Variants in ME2 observed in about 807,000 individuals in gnomAD.
ME2 encodes the protein NAD-dependent malic enzyme, mitochondrial.
A neutral mutation model predicts 73.7 loss-of-function variants in ME2; 60 were observed. The observed-to-expected ratio is 0.81, with a 90% CI of 0.66 to 1.01. The LOEUF is 1.01. ME2 is among the 50% of genes least tolerant of loss of function. The pLI, the probability that ME2 is intolerant of heterozygous loss-of-function variation, is 0.00. For synonymous variants in ME2, 199 were observed against 236.9 expected (o/e 0.84, Z 1.47); for missense variants, 594 against 705.5 (o/e 0.84, Z 1.79).
intron 1 of ME2, among the ~76,000 whole-genome samples, chr18:50,890,785 C>T (rs2144188386): frequency 6.6e-6 from 1 of 152,172 alleles, no homozygotes; most frequent in Non-Finnish European, 1.5e-5. Flanking sequence ...TACTAATTTC[C>T]AGTATAAAAC....
chr18:50,952,249 T>G lies in ME2; in HGVS notation c.*5065T>G, dbSNP rs370462532. On this transcript the variant is annotated 3_prime_UTR_variant, in exon 16 of 16. Coordinates refer to ENST00000321341, the MANE Select transcript of ME2 (RefSeq NM_002396.5). ...TTCTCATCTGAAATCAGGGTAAGTTTTTTTAATGTAAGCAGAGAAAAAAAT... is the reference window on the plus strand; with the variant it reads ...TTCTCATCTGAAATCAGGGTAAGTTGTTTTAATGTAAGCAGAGAAAAAAAT... 1 of 152,222 alleles carries G rather than the reference T, an allele frequency of 6.6e-6. No homozygotes were observed. Among genetic ancestry groups the G allele is most frequent in the Non-Finnish European group, 1.5e-5 (1 of 68,036 alleles). The allele number at this position is 152,222 out of a possible 1,614,324, so 9.4% of individuals were successfully genotyped here. A position where few individuals can be genotyped will look rare whatever the true frequency, so the allele number is the denominator to read the frequency against.
intron 1 of ME2, among the ~76,000 whole-genome samples, chr18:50,881,251 G>A (rs1916313873): frequency 6.6e-6 from 1 of 152,006 alleles, no homozygotes; most frequent in Admixed American, 6.5e-5. Flanking sequence ...TTTTCAGGCT[G>A]GTCTCGAACT....
In ME2 at chr18:50,912,847, TATAGA is replaced by T; in HGVS notation, c.293_297del (p.Arg98ThrfsTer4). On this transcript the variant is annotated frameshift_variant, in exon 4 of 16. Transcript: ENST00000321341. LOFTEE classifies it high-confidence loss of function. Reference sequence around the variant, plus strand: ...ACAAGAAAGAAATGAGAAATTGTTTTATAGAATACTGCAAGATGACATTGAGAGTT... The same window carrying T: ...ACAAGAAAGAAATGAGAAATTGTTTTATACTGCAAGATGACATTGAGAGTT... The T allele has an allele frequency of 1.2e-6, 2 of 1,605,956 alleles. No individual in the cohort carries two copies. Among genetic ancestry groups the T allele is most frequent in the Non-Finnish European group, 1.7e-6 (2 of 1,174,970 alleles).
chr18:50,920,584 A>T lies in ME2; in HGVS notation c.844+19A>T, dbSNP rs1917402475. ...ATTCAAGGTAAAGCAAAAAAACTTC[A>T]GGGTTTTGATTCCTACTTTTTAAAC... On this transcript the variant is annotated intron_variant, in intron 8 of 15. Coordinates refer to ENST00000321341, the MANE Select transcript of ME2 (RefSeq NM_002396.5). 2 of 1,567,220 alleles carry T rather than the reference A, an allele frequency of 1.3e-6. No homozygotes were observed. The highest frequency in any genetic ancestry group is 4.5e-5 in the East Asian group (2 of 44,272).
In ME2 at chr18:50,951,489, C is replaced by T. The variant is rs1292266107; in HGVS notation, c.*4305C>T. On this transcript the variant is annotated 3_prime_UTR_variant, in exon 16 of 16. Coordinates refer to ENST00000321341, the MANE Select transcript of ME2 (RefSeq NM_002396.5). The stretch of plus-strand genomic sequence containing the variant: ...TTTTTGGTTTGTTTGTTTCTGCTAG[C>T]TTTATGACAGAGGTTATAATATTCT... 2 of 149,998 alleles carry T rather than the reference C, an allele frequency of 1.3e-5. No individual in the cohort carries two copies. Among genetic ancestry groups the T allele is most frequent in the African/African-American group, 4.9e-5 (2 of 40,882 alleles). 9.3% of individuals were successfully genotyped at this position (149,998 alleles called of 1,614,324 possible). A position where few individuals can be genotyped will look rare whatever the true frequency, so the allele number is the denominator to read the frequency against.
chr18:50,895,763 T>C (rs1368178481), intron 1 of ME2, 46 bp from the exon 2 acceptor site: 1 of 1,227,610 alleles, frequency 8.1e-7, no homozygotes, highest in East Asian at 2.3e-5. Flanking sequence ...CATGAAGGCC[T>C]ATAATATGAT....
chr18:50,892,895 G>C (rs1916638588), intron 1 of ME2, among the ~76,000 whole-genome samples: 1 of 152,062 alleles, frequency 6.6e-6, no homozygotes, highest in African/African-American at 2.4e-5. Context: ...GGAGGCCGAG[G>C]TGGGCGGATC....
intron 1 of ME2, among the ~76,000 whole-genome samples, chr18:50,888,344 CAAAA>C (rs33946334): frequency 1.8e-4 from 23 of 128,970 alleles, no homozygotes; most frequent in Non-Finnish European, 2.2e-4. Context: ...GACCCTGTCT[CAAAA>C]AAAAAAAAAA....
chr18:50,947,146 C>T lies in ME2; in HGVS notation c.1717C>T (p.Pro573Ser). 3.1e-6 allele frequency: 5 copies of T among 1,613,560 alleles called. No homozygotes were observed. Among genetic ancestry groups the T allele is most frequent in the Non-Finnish European group, 4.2e-6 (5 of 1,179,954 alleles). ...CCTGCTGCCAGATGTGTATGAATGG[C>T]CAGAATCTGCATCAAGCCCTCCTGT... ...DSLLPDVYEW[P>S]ESASSPPVIT... Residue 573 changes from proline (P) to serine (S), a missense_variant, in exon 16 of 16, where the codon CCA (proline) becomes TCA (serine). Physicochemically the swap from Pro to Ser is moderately conservative, Grantham distance 74. Transcript: ENST00000321341.
intron 15 of ME2, among the ~76,000 whole-genome samples, chr18:50,941,427 C>T (rs1388096536): frequency 1.7e-5 from 2 of 117,480 alleles, no homozygotes; most frequent in Non-Finnish European, 3.2e-5. Context: ...AGTGCAGTGG[C>T]GGAATCTCAG....
In ME2 at chr18:50,908,785, C is replaced by T. The variant is rs1028858354; in HGVS notation, c.242+589C>T. On this transcript the variant is annotated intron_variant, in intron 3 of 15. Transcript: ENST00000321341. ...CCTCCTGAGTAGTTGGGATTACAGG[C>T]GCCCACCACCATGCCTGGCTAATTT... Among the ~76,000 whole-genome samples the T allele has an allele frequency of 8.6e-5, 13 of 151,644 alleles. No individual in the cohort carries two copies. The East Asian group carries it at 1.6e-3, about 18-fold the overall frequency.
At chr18:50,939,541 A>C (rs992651885) in intron 13 of ME2, 29 bp from the exon 14 acceptor site, 1 of 1,486,354 alleles carries the variant, frequency 6.7e-7, no homozygotes, top group African/African-American at 1.4e-5. Flanking sequence ...AAAAGTGACC[A>C]TACTAGTAAA....
intron 2 of ME2, among the ~76,000 whole-genome samples, chr18:50,898,389 A>G (rs1337116900): frequency 6.6e-6 from 1 of 152,194 alleles, no homozygotes; most frequent in East Asian, 1.9e-4. Context: ...ATCTAGTTCC[A>G]GAACTTTTTT....
rs34143282 is a variant in ME2, at chr18:50,918,702, C to CTT, written c.734+503_734+504dup. ...AACTTGGTCTTTCTCCCACCTTTCTCTTTTTTTTTTTTTTTGTCATCTTCA... is the reference window on the plus strand; with the variant it reads ...AACTTGGTCTTTCTCCCACCTTTCTCTTTTTTTTTTTTTTTTTGTCATCTTCA... On this transcript the variant is annotated intron_variant, in intron 7 of 15. Transcript: ENST00000321341. Among the ~76,000 whole-genome samples, 948 of 141,734 alleles carry CTT rather than the reference C, an allele frequency of 6.7e-3. 14 individuals are homozygous for CTT. The highest frequency in any genetic ancestry group is 0.025 in the South Asian group (113 of 4,496). 93.0% of individuals were successfully genotyped at this position (141,734 alleles called of 152,430 possible).
intron 12 of ME2, among the ~76,000 whole-genome samples, chr18:50,929,865 A>G (rs1568172597): frequency 6.6e-6 from 1 of 152,190 alleles, no homozygotes; most frequent in Non-Finnish European, 1.5e-5. Context: ...TCCAAAATAT[A>G]AAAAATTTAA....
chr18:50,932,616 A>T (rs536292660), intron 13 of ME2: 1 of 273,236 alleles, frequency 3.7e-6, no homozygotes, highest in South Asian at 7.0e-5. Context: ...GAGGAACAGA[A>T]TGGCACAAAA....
At chr18:50,893,722 A>G (rs960862164) in intron 1 of ME2, among the ~76,000 whole-genome samples, 3 of 152,206 alleles carry the variant, frequency 2.0e-5, no homozygotes, top group Non-Finnish European at 2.9e-5. Context: ...TTTTTTAACA[A>G]TACATTGAAG....
chr18:50,886,576 A>T (rs1916478153), intron 1 of ME2, among the ~76,000 whole-genome samples: 1 of 152,052 alleles, frequency 6.6e-6, no homozygotes, highest in African/African-American at 2.4e-5. Flanking sequence ...TCATGTTCAT[A>T]TTTCTTTTAA....
chr18:50,914,316 G>C (rs1599105721), intron 4 of ME2, among the ~76,000 whole-genome samples: 1 of 152,232 alleles, frequency 6.6e-6, no homozygotes, highest in African/African-American at 2.4e-5. Context: ...TTTCTTATTA[G>C]AATGATTAAA....
Sources: allele counts gnomAD v4.1 joint callset (sites outside exome capture counted in the v4.1 genomes callset), GRCh38; gene constraint gnomAD v4.1.1; transcripts MANE v1.5; gene names NCBI Gene and HGNC (gene_info 2026-07-23, HGNC 2026-07-21).